MINDY3: variants seen among roughly 807,000 people sequenced by gnomAD.
The protein encoded by MINDY3 is MINDY lysine 48 deubiquitinase 3, also known as ubiquitin carboxyl-terminal hydrolase MINDY-3.
Under a neutral mutation model 69.2 loss-of-function variants are expected in MINDY3, and 38 were observed. That is an observed-to-expected ratio of 0.55 (90% confidence interval 0.42 to 0.72). MINDY3 has a LOEUF of 0.72. MINDY3 is among the 30% of genes least tolerant of loss of function. The pLI, the probability that MINDY3 is intolerant of heterozygous loss-of-function variation, is 0.00. For synonymous variants in MINDY3, 192 were observed against 180.1 expected, an observed-to-expected ratio of 1.07 and a Z score of -0.53; for missense variants, 522 against 519.0, an observed-to-expected ratio of 1.01 and a Z score of -0.06.
rs746137463 is a variant in MINDY3, at chr10:15,838,286, A to G, written c.410-7T>C. 7 of 1,600,024 alleles carry G rather than the reference A, an allele frequency of 4.4e-6. No individual in the cohort carries two copies. The highest frequency in any genetic ancestry group is 6.0e-6 in the Non-Finnish European group (7 of 1,174,622). On this transcript the variant is annotated splice_region_variant and splice_polypyrimidine_tract_variant and intron_variant, in intron 4 of 14. Coordinates refer to ENST00000277632, the MANE Select transcript of MINDY3 (RefSeq NM_024948.4). The stretch of plus-strand genomic sequence containing the variant: ...TCTTCGACAGCCAAGGCAGCTATAC[A>G]TAAAAGACACTTTTCAGCACTACAC...
intron 8 of MINDY3, among the ~76,000 whole-genome samples, chr10:15,833,204 T>C (rs983619380): frequency 6.6e-6 from 1 of 152,162 alleles, no homozygotes; most frequent in Non-Finnish European, 1.5e-5. Context: ...AGTATTAAAT[T>C]TGCTCGGTGT....
intron 7 of MINDY3, among the ~76,000 whole-genome samples, 173 bp from the exon 8 acceptor site, chr10:15,833,882 C>T (rs868140549): frequency 1.3e-4 from 19 of 151,908 alleles, no homozygotes; most frequent in African/African-American, 4.3e-4. Context: ...AAATGTATCA[C>T]CAAATATATC....
chr10:15,814,608 T>C (rs1393455996), intron 10 of MINDY3, among the ~76,000 whole-genome samples: 1 of 152,002 alleles, frequency 6.6e-6, no homozygotes, highest in African/African-American at 2.4e-5. Context: ...ATGTCTCTAA[T>C]TCAACACGTT....
intron 8 of MINDY3, 147 bp from the exon 9 acceptor site, chr10:15,821,873 G>GTAATCATTAGGAGATAATGTCAAC (rs1839792219): frequency 1.6e-6 from 1 of 616,852 alleles, no homozygotes; most frequent in East Asian, 2.8e-5. Flanking sequence ...AACTTAGCAT[G>GTAATCATTAGGAGATAATGTCAAC]TAATCATTAC....
At chr10:15,831,079 GT>G (rs1478974978) in intron 8 of MINDY3, among the ~76,000 whole-genome samples, 2 of 152,170 alleles carry the variant, frequency 1.3e-5, no homozygotes, top group Non-Finnish European at 2.9e-5. Flanking sequence ...TCAGCTGAGA[GT>G]GAGTGGGCAG....
chr10:15,791,429 C>T (rs951184592), intron 11 of MINDY3, among the ~76,000 whole-genome samples: 1 of 151,732 alleles, frequency 6.6e-6, no homozygotes, highest in Admixed American at 6.6e-5. Flanking sequence ...CAGAGAATAC[C>T]ATTTGATTAG....
At chr10:15,823,419 A>G (rs1464324806) in intron 8 of MINDY3, among the ~76,000 whole-genome samples, 1 of 152,190 alleles carries the variant, frequency 6.6e-6, no homozygotes, top group Admixed American at 6.5e-5. Flanking sequence ...GTATCAGACT[A>G]AATTTATAAG....
chr10:15,793,845 C>T (rs1837605518), intron 11 of MINDY3, among the ~76,000 whole-genome samples: 1 of 151,956 alleles, frequency 6.6e-6, no homozygotes, highest in African/African-American at 2.4e-5. Flanking sequence ...ACGCAAATGC[C>T]ACACATCATT....
At chr10:15,858,338 C>T (rs1477999606) in intron 1 of MINDY3, among the ~76,000 whole-genome samples, 3 of 152,060 alleles carry the variant, frequency 2.0e-5, no homozygotes, top group Non-Finnish European at 4.4e-5. Flanking sequence ...GGTGGCAGAG[C>T]GTTCTAATAA....
At chr10:15,779,530 A>G (rs1836355058) in intron 14 of MINDY3, among the ~76,000 whole-genome samples, 1 of 152,174 alleles carries the variant, frequency 6.6e-6, no homozygotes, top group Non-Finnish European at 1.5e-5. Context: ...TCAGATGCTC[A>G]TGCTGCCTAA....
At chr10:15,834,279 A>T (rs1176794472) in intron 7 of MINDY3, among the ~76,000 whole-genome samples, 1 of 152,098 alleles carries the variant, frequency 6.6e-6, no homozygotes, top group Non-Finnish European at 1.5e-5. Context: ...CATTTAAAAA[A>T]ATTACAAATG....
intron 2 of MINDY3, among the ~76,000 whole-genome samples, chr10:15,845,711 T>C (rs1487265342): frequency 6.6e-6 from 1 of 151,604 alleles, no homozygotes; most frequent in African/African-American, 2.4e-5. Context: ...CTCACTCTGT[T>C]GCCCAGCCTG....
intron 10 of MINDY3, among the ~76,000 whole-genome samples, chr10:15,808,005 T>A (rs1274885380): frequency 6.6e-6 from 1 of 152,208 alleles, no homozygotes; most frequent in Non-Finnish European, 1.5e-5. Flanking sequence ...AGATGGCTGA[T>A]GGGGGACAGC....
At chr10:15,788,703 A>G (rs1216429064) in intron 12 of MINDY3, 1 of 152,430 alleles carries the variant, frequency 6.6e-6, no homozygotes, top group African/African-American at 2.4e-5. Flanking sequence ...TGCATAAAAC[A>G]TAACAGTGAG....
chr10:15,847,070 T>C (rs1425814010), intron 2 of MINDY3, among the ~76,000 whole-genome samples: 1 of 152,190 alleles, frequency 6.6e-6, no homozygotes, highest in African/African-American at 2.4e-5. Flanking sequence ...ACATTAAATA[T>C]ATATATTTTC....
intron 7 of MINDY3, 135 bp downstream of exon 7, chr10:15,834,408 G>C: frequency 1.9e-6 from 1 of 518,462 alleles, no homozygotes; most frequent in Non-Finnish European, 3.4e-6. Context: ...ATACAAAGAA[G>C]TGCTCAAATC....
chr10:15,841,658 C>A, intron 3 of MINDY3, 59 bp from the exon 4 acceptor site: 2 of 1,129,972 alleles, frequency 1.8e-6, no homozygotes, highest in South Asian at 3.5e-5. Flanking sequence ...AAAATTCTGT[C>A]ATGAATAACA....
chr10:15,803,448 A>G (rs1481845265), intron 10 of MINDY3, among the ~76,000 whole-genome samples: 2 of 152,270 alleles, frequency 1.3e-5, no homozygotes, highest in Admixed American at 6.5e-5. Context: ...AAAACACTTC[A>G]GAGGTATAAC....
chr10:15,860,316 G>T lies in MINDY3; in HGVS notation c.-17C>A. ...TTCGGACATGATGAGGAACCGGCGG[G>T]CGGATCTTCGCTTTGCGGACTCCTG... On this transcript the variant is annotated 5_prime_UTR_variant, in exon 1 of 15. Coordinates refer to ENST00000277632, the MANE Select transcript of MINDY3 (RefSeq NM_024948.4). 4 of 1,566,332 alleles carry T rather than the reference G, an allele frequency of 2.6e-6. No homozygotes were observed. Among genetic ancestry groups the T allele is most frequent in the Non-Finnish European group, 3.5e-6 (4 of 1,149,964 alleles).
Sources: gnomAD v4.1 joint callset for allele counts (sites outside exome capture counted in the v4.1 genomes callset) on GRCh38, gnomAD v4.1.1 for gene constraint, MANE v1.5 for transcripts, NCBI Gene and HGNC (gene_info 2026-07-23, HGNC 2026-07-21) for gene names.